The following OTOP3 variants were observed in gnomAD, a reference collection of about 807,000 sequenced individuals.
OTOP3 encodes proton channel OTOP3.
OTOP3 carries 41 observed loss-of-function variants against 50.8 expected under a neutral mutation model. The observed-to-expected ratio is 0.81, with a 90% CI of 0.63 to 1.05. OTOP3 has a LOEUF of 1.05. Among genes scored for constraint, OTOP3 ranks in the 50% least tolerant of loss-of-function variants. The pLI is 0.00. For synonymous variants in OTOP3, 320 were observed against 324.4 expected (o/e 0.99, Z 0.14); for missense variants, 788 against 760.8 (o/e 1.04, Z -0.42).
At chr17:74,941,198 T>G (rs957928464) in intron 1 of OTOP3, among the ~76,000 whole-genome samples, 195 bp from the exon 2 acceptor site, 2 of 152,188 alleles carry the variant, frequency 1.3e-5, no homozygotes, top group Non-Finnish European at 2.9e-5. Flanking sequence ...GAGGTTTCCG[T>G]AGGGTCTCCT....
rs118053566 is a variant in OTOP3 at position 74,940,609 on chromosome 17, C to A, written c.20-784C>A. Among the ~76,000 whole-genome samples, 16 of 152,294 alleles carry A rather than the reference C, an allele frequency of 1.1e-4. No homozygotes were observed. In the East Asian group the frequency reaches 3.1e-3, roughly 29 times the overall value. On this transcript the variant is annotated intron_variant, in intron 1 of 6. Coordinates refer to ENST00000328801, the MANE Select transcript of OTOP3 (RefSeq NM_001272005.2). The stretch of plus-strand genomic sequence containing the variant: ...GTGGCAACAGATTCTCATAGGAGCA[C>A]AAGCCCTATCGTGAACTGCACATGT...
intron 1 of OTOP3, among the ~76,000 whole-genome samples, chr17:74,936,333 C>T (rs1187133789): frequency 6.6e-6 from 1 of 152,166 alleles, no homozygotes; most frequent in East Asian, 1.9e-4. Flanking sequence ...AAGGAAATCC[C>T]GAGGGCGCCC....
chr17:74,936,716 G>T (rs2039119221), intron 1 of OTOP3, among the ~76,000 whole-genome samples: 1 of 152,102 alleles, frequency 6.6e-6, no homozygotes, highest in Non-Finnish European at 1.5e-5. Flanking sequence ...CTGGAACCTT[G>T]TCCCCCAGTG....
At chr17:74,937,569 G>A (rs1472622066) in intron 1 of OTOP3, among the ~76,000 whole-genome samples, 1 of 152,228 alleles carries the variant, frequency 6.6e-6, no homozygotes, top group South Asian at 2.1e-4. Context: ...ATTTGGGTGG[G>A]GGAGCTTAGG....
chr17:74,936,012 C>G (rs1037879585), intron 1 of OTOP3, 72 bp downstream of exon 1: 31 of 1,530,548 alleles, frequency 2.0e-5, no homozygotes, highest in Middle Eastern at 3.5e-4. Flanking sequence ...ACCCACCCCC[C>G]CAAAAGGGGG....
At position 74,947,259 on chromosome 17, in the gene OTOP3, C is replaced by T. The variant is rs751996365; in HGVS notation, c.1350C>T (p.Ile450=). 1.2e-5 allele frequency: 19 copies of T among 1,613,788 alleles called. No homozygotes were observed. Among genetic ancestry groups the T allele is most frequent in the Non-Finnish European group, 1.6e-5 (19 of 1,179,906 alleles). ...AGCACATCGCTCAGAACCTCTTCAT[C>T]ATCGAGGGCCTGCACCGGCGCCCAC... ...ILQHIAQNLF[I]IEGLHRRPLW... is the part of the protein sequence containing the mutation. The change falls in exon 6 of 7, where the codon ATC becomes ATT. Residue 450 remains isoleucine, a synonymous_variant. Coordinates refer to ENST00000328801, the MANE Select transcript of OTOP3 (RefSeq NM_001272005.2).
At chr17:74,937,412 A>G (rs1170258687) in intron 1 of OTOP3, among the ~76,000 whole-genome samples, 1 of 152,212 alleles carries the variant, frequency 6.6e-6, no homozygotes, top group Non-Finnish European at 1.5e-5. Flanking sequence ...AGAGGTAATA[A>G]GTGCTGGAAT....
chr17:74,947,390 C>G lies in OTOP3; in HGVS notation c.1481C>G (p.Ala494Gly). 1 of 1,613,120 alleles carries G rather than the reference C, an allele frequency of 6.2e-7. No individual in the cohort carries two copies. The highest frequency in any genetic ancestry group is 8.5e-7 in the Non-Finnish European group (1 of 1,180,004). Residue 494 changes from alanine (A) to glycine (G), a missense_variant, in exon 6 of 7, where the codon GCC (alanine) becomes GGC (glycine). Coordinates refer to ENST00000328801, the MANE Select transcript of OTOP3 (RefSeq NM_001272005.2). The part of the protein sequence containing the change: ...LGQGLQRASL[A>G]YIHSYSHLNW... The stretch of plus-strand genomic sequence containing the variant: ...CAGGGCCTGCAGCGGGCCTCACTGG[C>G]CTACATCCACTCCTACAGCCACCTC...
At chr17:74,944,134 G>T (rs776749525) in intron 5 of OTOP3, among the ~76,000 whole-genome samples, 1 of 152,146 alleles carries the variant, frequency 6.6e-6, no homozygotes, top group Non-Finnish European at 1.5e-5. Flanking sequence ...CAGGTGGGAC[G>T]GAAGATATCT....
chr17:74,940,158 T>C (rs1156593950), intron 1 of OTOP3, among the ~76,000 whole-genome samples: 1 of 150,154 alleles, frequency 6.7e-6, no homozygotes. Flanking sequence ...TATGGGGTTT[T>C]TTTCGGCTTT....
upstream of OTOP3, chr17:74,935,831 G>T (rs1313106472): frequency 2.0e-6 from 3 of 1,524,226 alleles, no homozygotes; most frequent in Non-Finnish European, 2.7e-6. Context: ...CGGCGGCTGC[G>T]CAGTCCCGCT....
Position 74,949,664 on chromosome 17 carries a change from C to G in OTOP3, c.*248C>G. 2.0e-6 allele frequency: 1 copy of G among 495,742 alleles called. No individual in the cohort carries two copies. Among genetic ancestry groups the G allele is most frequent in the Non-Finnish European group, 3.5e-6 (1 of 282,010 alleles). The allele number at this position is 495,742 out of a possible 1,614,324, so 30.7% of individuals were successfully genotyped here. A position where few individuals can be genotyped will look rare whatever the true frequency, so the allele number is the denominator to read the frequency against. ...ACATGCCTGCCCCCTGCCTTCCCAC[C>G]ACGATCCGCAAGCCAAGGGTGCACC... is the stretch of plus-strand genomic sequence containing the variant. On this transcript the variant is annotated 3_prime_UTR_variant, in exon 7 of 7. Coordinates refer to ENST00000328801, the MANE Select transcript of OTOP3 (RefSeq NM_001272005.2).
chr17:74,941,482 G>A lies in OTOP3; in HGVS notation c.109G>A (p.Glu37Lys), dbSNP rs369591781. The change falls in exon 2 of 7, where the codon GAG becomes AAG. Residue 37 changes from glutamate to lysine, a missense_variant. Physicochemically the swap from Glu to Lys is moderately conservative, Grantham distance 56 (BLOSUM62 1). Transcript: ENST00000328801. The part of the protein sequence containing the change: ...EKENRVDVGA[E>K]ERAAATRPRQ... ...GGAGAACCGAGTGGATGTGGGGGCC[G>A]AGGAGAGAGCGGCCGCCACCCGGCC... 243 of 1,611,524 alleles carry A rather than the reference G, an allele frequency of 1.5e-4. No homozygotes were observed. Among genetic ancestry groups the A allele is most frequent in the Admixed American group, 2.3e-4 (14 of 59,744 alleles).
At position 74,944,494 on chromosome 17, in the gene OTOP3, C is replaced by T. The variant is rs185239923; in HGVS notation, c.751+770C>T. Reference sequence around the variant, plus strand: ...ATTCAGGGCTGGGCACAGTGGCTCACGCCTATAATCCCAGCGCTTTGGGAG... The same window carrying T: ...ATTCAGGGCTGGGCACAGTGGCTCATGCCTATAATCCCAGCGCTTTGGGAG... On this transcript the variant is annotated intron_variant, in intron 5 of 6. Transcript: ENST00000328801. Among the ~76,000 whole-genome samples, 322 of 152,324 alleles carry T rather than the reference C, an allele frequency of 2.1e-3. 1 individual carries two copies. Among genetic ancestry groups the T allele is most frequent in the Middle Eastern group, 0.01 (3 of 294 alleles).
rs763084768 is a variant in OTOP3, at chr17:74,935,904, G to A, written c.-18G>A. The A allele has an allele frequency of 7.1e-6, 11 of 1,546,890 alleles. No individual in the cohort carries two copies. The highest frequency in any genetic ancestry group is 8.7e-6 in the Non-Finnish European group (10 of 1,146,624). On this transcript the variant is annotated 5_prime_UTR_variant, in exon 1 of 7. Transcript: ENST00000328801. ...GACGATCCGCTCAGCGCCCGCAGTC[G>A]GTGGTTAGCCCACGGCGATGCCTCT...
chr17:74,944,497 C>G (rs2039207420), intron 5 of OTOP3, among the ~76,000 whole-genome samples: 1 of 152,230 alleles, frequency 6.6e-6, no homozygotes, highest in South Asian at 2.1e-4. Context: ...TGGCTCACGC[C>G]TATAATCCCA....
At chr17:74,942,356 C>T (rs938449290) in intron 3 of OTOP3, among the ~76,000 whole-genome samples, 2 of 152,226 alleles carry the variant, frequency 1.3e-5, no homozygotes, top group Admixed American at 6.5e-5. Flanking sequence ...CTCGGCAGGG[C>T]GCAGTGGCTC....
rs114277367 is a variant in OTOP3, at chr17:74,941,032, G to A, written c.20-361G>A. ...TACCAGAAGGCGGAAGGACACCGCT[G>A]CCTTTTCATGGCAAAAAGTCACAGC... On this transcript the variant is annotated intron_variant, in intron 1 of 6. Coordinates refer to ENST00000328801, the MANE Select transcript of OTOP3 (RefSeq NM_001272005.2). Among the ~76,000 whole-genome samples, 1,159 of 152,278 alleles carry A rather than the reference G, an allele frequency of 7.6e-3. 25 individuals carry two copies. Among genetic ancestry groups the A allele is most frequent in the African/African-American group, 0.027 (1,107 of 41,538 alleles).
At chr17:74,940,206 T>A (rs1191528110) in intron 1 of OTOP3, among the ~76,000 whole-genome samples, 1 of 147,154 alleles carries the variant, frequency 6.8e-6, no homozygotes, top group Non-Finnish European at 1.5e-5. Context: ...GGTGTCTTCC[T>A]ATGTTAGCCA....
Sources: allele counts gnomAD v4.1 joint callset (sites outside exome capture counted in the v4.1 genomes callset), GRCh38; gene constraint gnomAD v4.1.1; transcripts MANE v1.5; gene names NCBI Gene and HGNC (gene_info 2026-07-23, HGNC 2026-07-21).